HDAC9: variants seen among roughly 807,000 people sequenced by gnomAD.
The protein encoded by HDAC9 is MEF-2 interacting transcription repressor (MITR) protein.
Under a neutral mutation model 139.4 loss-of-function variants are expected in HDAC9, and 41 were observed. The ratio of observed to expected loss-of-function variants is 0.29; its 90% CI spans 0.23 to 0.38. The LOEUF (loss-of-function observed/expected upper bound fraction) is 0.38. Ranked by LOEUF, HDAC9 falls within the 10% of genes least tolerant of loss-of-function variation. The pLI, the probability that HDAC9 is intolerant of heterozygous loss-of-function variation, is 1.00. For missense variants in HDAC9, 1,147 were observed against 1,297.0 expected, an observed-to-expected ratio of 0.88 and a Z score of 1.78; for synonymous variants, 517 against 476.2, an observed-to-expected ratio of 1.09 and a Z score of -1.12.
At chr7:18,472,534 G>T (rs898735699) in intron 1 of HDAC9, among the ~76,000 whole-genome samples, 2 of 152,156 alleles carry the variant, frequency 1.3e-5, no homozygotes, top group Non-Finnish European at 1.5e-5. Flanking sequence ...TCTCCCCACT[G>T]CTTTTTGTGA....
intron 24 of HDAC9, among the ~76,000 whole-genome samples, chr7:18,975,342 AT>A (rs1471529126): frequency 6.6e-6 from 1 of 152,246 alleles, no homozygotes; most frequent in Admixed American, 6.5e-5. Flanking sequence ...TCATGCTGGC[AT>A]TTCTGGGCTT....
intron 21 of HDAC9, among the ~76,000 whole-genome samples, chr7:18,864,652 G>A (rs1458585420): frequency 6.6e-6 from 1 of 151,732 alleles, no homozygotes; most frequent in Non-Finnish European, 1.5e-5. Flanking sequence ...AGAGGATTGG[G>A]AGTAAACAAA....
Position 18,735,509 on chromosome 7 carries a change from T to A in HDAC9, c.1909+7752T>A, listed in dbSNP as rs1468584915. Among the ~76,000 whole-genome samples, 3 of 152,218 alleles carry A rather than the reference T, an allele frequency of 2.0e-5. No individual in the cohort carries two copies. The East Asian group carries it at 5.8e-4, about 29-fold the overall frequency. On this transcript the variant is annotated intron_variant, in intron 13 of 25. Coordinates refer to ENST00000686413, the MANE Select transcript of HDAC9 (RefSeq NM_178425.4). ...AATAGGGACTCCCTTCCCCATTTCT[T>A]GTTTTTGTCAGGTTTGTCAAAGATC...
chr7:18,512,498 G>A lies in HDAC9; in HGVS notation c.22+16174G>A, dbSNP rs554265706. Among the ~76,000 whole-genome samples, 16 of 152,148 alleles carry A rather than the reference G, an allele frequency of 1.1e-4. 1 individual carries two copies. The South Asian group carries it at 1.4e-3, about 14-fold the overall frequency. On this transcript the variant is annotated intron_variant, in intron 2 of 25. Transcript: ENST00000686413. ...GAAAACTTGATCAGATTTGAGCGAT[G>A]CTATGCTCAGGAATAGGAAGACTAC...
Position 18,362,175 on chromosome 7 carries a change from A to G in HDAC9, c.-42+71660A>G, listed in dbSNP as rs148816065. The stretch of plus-strand genomic sequence containing the variant: ...TAGGCTGCAAATGATCTAACCTTTC[A>G]TACTTGACCATGTAGACTTTCCGCA... On this transcript the variant is annotated intron_variant, in intron 1 of 3. Transcript: ENST00000413509. Among the ~76,000 whole-genome samples, 581 of 152,326 alleles carry G rather than the reference A, an allele frequency of 3.8e-3. 5 individuals are homozygous for G. Among genetic ancestry groups the G allele is most frequent in the Non-Finnish European group, 6.1e-3 (412 of 68,022 alleles).
chr7:18,674,279 A>T (rs1195872088), intron 12 of HDAC9, among the ~76,000 whole-genome samples: 2 of 151,950 alleles, frequency 1.3e-5, no homozygotes, highest in East Asian at 3.9e-4. Flanking sequence ...ACTTCAATTA[A>T]CTTACTGTAA....
chr7:18,515,100 G>C (rs1216738881), intron 2 of HDAC9, among the ~76,000 whole-genome samples: 1 of 152,158 alleles, frequency 6.6e-6, no homozygotes, highest in African/African-American at 2.4e-5. Context: ...AACAGAAAGA[G>C]AGATTATATT....
At chr7:18,330,217 T>C (rs1230666674) in intron 1 of HDAC9, among the ~76,000 whole-genome samples, 1 of 151,732 alleles carries the variant, frequency 6.6e-6, no homozygotes, top group Non-Finnish European at 1.5e-5. Flanking sequence ...TCTGTAATTC[T>C]TCACACTTTA....
At chr7:18,789,286 GCA>G (rs34385627) in intron 16 of HDAC9, among the ~76,000 whole-genome samples, 31,737 of 148,376 alleles carry the variant, frequency 0.21, 3,488 homozygotes, top group Middle Eastern at 0.3. Context: ...ACACATACAC[GCA>G]CACACACACA....
At chr7:18,518,298 G>T (rs1441634086) in intron 2 of HDAC9, among the ~76,000 whole-genome samples, 3 of 152,162 alleles carry the variant, frequency 2.0e-5, no homozygotes, top group Non-Finnish European at 2.9e-5. Context: ...GAGACTTGGA[G>T]AGCCCAAGGG....
intron 21 of HDAC9, among the ~76,000 whole-genome samples, chr7:18,873,337 T>A (rs1799074999): frequency 6.6e-6 from 1 of 152,300 alleles, no homozygotes; most frequent in South Asian, 2.1e-4. Context: ...ACATGTGTAT[T>A]TATGAACTTG....
chr7:18,553,829 G>T (rs905932769), intron 2 of HDAC9, among the ~76,000 whole-genome samples: 1 of 152,190 alleles, frequency 6.6e-6, no homozygotes, highest in Non-Finnish European at 1.5e-5. Context: ...GTGATGCATA[G>T]TAAATAGTGG....
intron 12 of HDAC9, 97 bp downstream of exon 12, chr7:18,666,573 C>G: frequency 6.6e-7 from 1 of 1,514,946 alleles, no homozygotes; most frequent in Non-Finnish European, 8.9e-7. Context: ...GATTTCCTAT[C>G]AGTTTATATT....
chr7:18,872,834 A>ATGACC (rs1362250530), intron 21 of HDAC9, among the ~76,000 whole-genome samples: 3 of 152,106 alleles, frequency 2.0e-5, no homozygotes, highest in African/African-American at 7.2e-5. Context: ...TGAGGGAAGG[A>ATGACC]TGACCTTCTG....
intron 12 of HDAC9, among the ~76,000 whole-genome samples, chr7:18,718,760 A>AT (rs747057232): frequency 1.3e-5 from 2 of 151,978 alleles, no homozygotes; most frequent in Non-Finnish European, 2.9e-5. Context: ...ATGTGGAAGT[A>AT]TTTTTTCATT....
chr7:18,329,430 C>G (rs978721960), intron 1 of HDAC9, among the ~76,000 whole-genome samples: 7 of 151,118 alleles, frequency 4.6e-5, no homozygotes, highest in African/African-American at 1.7e-4. Flanking sequence ...CATAAATATA[C>G]AATTATTATT....
At chr7:18,238,916 A>G (rs1221707761) in intron 2 of HDAC9, among the ~76,000 whole-genome samples, 1 of 152,212 alleles carries the variant, frequency 6.6e-6, no homozygotes, top group Non-Finnish European at 1.5e-5. Flanking sequence ...GCTCCTGTGC[A>G]AGTCAGGAAC....
intron 16 of HDAC9, among the ~76,000 whole-genome samples, chr7:18,779,037 C>A (rs1053604214): frequency 6.6e-6 from 1 of 152,026 alleles, no homozygotes; most frequent in African/African-American, 2.4e-5. Flanking sequence ...TTCATCATAT[C>A]CATGGCTTTA....
chr7:18,514,686 A>T (rs987926650), intron 2 of HDAC9, among the ~76,000 whole-genome samples: 18 of 152,150 alleles, frequency 1.2e-4, no homozygotes, highest in Admixed American at 1.3e-4. Context: ...ATGCCTATAA[A>T]CCTCAGGATT....
Sources: gnomAD v4.1 joint callset for allele counts (sites outside exome capture counted in the v4.1 genomes callset) on GRCh38, gnomAD v4.1.1 for gene constraint, MANE v1.5 for transcripts, NCBI Gene and HGNC (gene_info 2026-07-23, HGNC 2026-07-21) for gene names.